Variants in KAT6B observed in about 807,000 individuals in gnomAD.
KAT6B encodes histone acetyltransferase KAT6B.
Under a neutral mutation model 187.5 loss-of-function variants are expected in KAT6B, and 10 were observed. The ratio of observed to expected loss-of-function variants is 0.05; its 90% CI spans 0.03 to 0.09. The LOEUF (loss-of-function observed/expected upper bound fraction) is 0.09, where lower values mean the gene tolerates loss of function less well. KAT6B is among the 10% of genes least tolerant of loss of function. The pLI is 1.00. For missense variants in KAT6B, 1,952 were observed against 2,558.9 expected, an observed-to-expected ratio of 0.76 and a Z score of 5.12; for synonymous variants, 861 against 926.8, an observed-to-expected ratio of 0.93 and a Z score of 1.29.
chr10:74,860,997 C>T (rs1368421063), intron 3 of KAT6B, among the ~76,000 whole-genome samples: 5 of 152,150 alleles, frequency 3.3e-5, no homozygotes, highest in South Asian at 2.1e-4. Flanking sequence ...ATTAGCCGGG[C>T]GTGGTGGCAC....
intron 3 of KAT6B, among the ~76,000 whole-genome samples, chr10:74,875,223 CTTG>C (rs1844325839): frequency 6.6e-6 from 1 of 152,102 alleles, no homozygotes; most frequent in Admixed American, 6.5e-5. Flanking sequence ...AAAATAAGAT[CTTG>C]TTGTTTGTGG....
At chr10:74,836,576 A>G (rs1481768993) in intron 1 of KAT6B, among the ~76,000 whole-genome samples, 1 of 152,232 alleles carries the variant, frequency 6.6e-6, no homozygotes, top group Non-Finnish European at 1.5e-5. Flanking sequence ...GGCCTGAAGC[A>G]TTGATTTCAG....
chr10:74,832,284 C>T (rs992693111), intron 1 of KAT6B, among the ~76,000 whole-genome samples: 9 of 152,060 alleles, frequency 5.9e-5, no homozygotes, highest in Admixed American at 3.3e-4. Context: ...AACAAAGAAT[C>T]CTGTAATAAT....
intron 3 of KAT6B, among the ~76,000 whole-genome samples, chr10:74,856,207 T>C (rs912190411): frequency 6.6e-6 from 1 of 152,162 alleles, no homozygotes; most frequent in East Asian, 1.9e-4. Context: ...TGCCTCAGCC[T>C]CCCGAGCAGC....
intron 1 of KAT6B, among the ~76,000 whole-genome samples, chr10:74,834,447 T>C (rs929182876): frequency 7.9e-5 from 12 of 152,072 alleles, no homozygotes; most frequent in African/African-American, 2.7e-4. Flanking sequence ...CTGCCCGCCT[T>C]GGCCTCCCAA....
At chr10:74,830,731 CATATAT>C (rs1198969374) in intron 1 of KAT6B, among the ~76,000 whole-genome samples, 229 of 17,200 alleles carry the variant, frequency 0.013, 3 homozygotes, top group Middle Eastern at 0.05. Flanking sequence ...CACAGCTCTT[CATATAT>C]ATATATATAT....
intron 1 of KAT6B, among the ~76,000 whole-genome samples, chr10:74,829,874 T>C (rs943589256): frequency 1.3e-5 from 2 of 151,386 alleles, no homozygotes; most frequent in Admixed American, 1.3e-4. Flanking sequence ...AAAAATTAGC[T>C]GGGCATGGTG....
chr10:74,863,104 C>G (rs894174618), intron 3 of KAT6B, among the ~76,000 whole-genome samples: 3 of 152,132 alleles, frequency 2.0e-5, no homozygotes, highest in African/African-American at 7.2e-5. Context: ...CTTTGAAAAA[C>G]AGAAAGATTT....
chr10:74,986,566 A>G (rs1790292834), intron 12 of KAT6B, among the ~76,000 whole-genome samples: 1 of 152,248 alleles, frequency 6.6e-6, no homozygotes, highest in African/African-American at 2.4e-5. Context: ...AAAATAAGTA[A>G]CAGCATTCAT....
intron 3 of KAT6B, among the ~76,000 whole-genome samples, chr10:74,894,745 A>T (rs1328793251): frequency 6.6e-6 from 1 of 151,996 alleles, no homozygotes; most frequent in East Asian, 1.9e-4. Flanking sequence ...ATGTGACAAG[A>T]TTTCCTTCTT....
At chr10:74,841,514 G>C (rs1033491234) in intron 2 of KAT6B, among the ~76,000 whole-genome samples, 1 of 151,892 alleles carries the variant, frequency 6.6e-6, no homozygotes, top group Non-Finnish European at 1.5e-5. Context: ...ACAGTGAGCT[G>C]AGATTGCGCT....
At position 75,029,066 on chromosome 10, in the gene KAT6B, G is replaced by A. The variant is rs749051216; in HGVS notation, c.4242G>A (p.Glu1414=). The A allele has an allele frequency of 1.5e-5, 24 of 1,613,984 alleles. No homozygotes were observed. The highest frequency in any genetic ancestry group is 1.9e-5 in the Non-Finnish European group (23 of 1,180,028). The change falls in exon 18 of 18, where the codon GAG becomes GAA. Residue 1414 remains glutamate (E), a synonymous_variant. Transcript: ENST00000287239. This position sits in a 1 kb window ranked among gnomAD's most constrained non-coding sequence, Gnocchi z 6.2. ...RLDDHEEEEE[E]DEEPSHNEDH... is the part of the protein sequence containing the mutation. ...ATGATCACGAAGAGGAGGAGGAAGA[G>A]GATGAAGAGCCATCCCACAACGAGG...
At chr10:74,878,009 C>G (rs1252570911) in intron 3 of KAT6B, among the ~76,000 whole-genome samples, 2 of 152,054 alleles carry the variant, frequency 1.3e-5, no homozygotes, top group Non-Finnish European at 2.9e-5. Flanking sequence ...AATGCAGTCT[C>G]CCTGAATGAT....
intron 3 of KAT6B, among the ~76,000 whole-genome samples, chr10:74,908,016 A>G (rs115398274): frequency 0.019 from 2,919 of 152,240 alleles, 85 homozygotes; most frequent in African/African-American, 0.06. Flanking sequence ...GCCTTCATGA[A>G]TGGACTAATC....
At chr10:74,899,783 A>G (rs1336987623) in intron 3 of KAT6B, among the ~76,000 whole-genome samples, 5 of 152,162 alleles carry the variant, frequency 3.3e-5, no homozygotes, top group African/African-American at 1.2e-4. Context: ...ATTGATACCA[A>G]CATCATTATT....
At chr10:74,972,447 T>A in intron 6 of KAT6B, 60 bp from the exon 7 acceptor site, 1 of 1,267,234 alleles carries the variant, frequency 7.9e-7, no homozygotes, top group South Asian at 1.4e-5. Context: ...CAACTTATAT[T>A]TAATATCTTC....
chr10:74,834,839 C>G (rs1327040514), intron 1 of KAT6B, among the ~76,000 whole-genome samples: 1 of 152,218 alleles, frequency 6.6e-6, no homozygotes, highest in East Asian at 1.9e-4. Context: ...TTCTTTATCC[C>G]TTTTGAGCAT....
intron 13 of KAT6B, among the ~76,000 whole-genome samples, chr10:75,015,207 C>G (rs1422679022): frequency 6.6e-6 from 1 of 152,140 alleles, no homozygotes; most frequent in Non-Finnish European, 1.5e-5. Context: ...ATGTCATGCC[C>G]ATAGGACTTA....
At chr10:74,924,095 T>A (rs1848326302) in intron 3 of KAT6B, among the ~76,000 whole-genome samples, 1 of 152,168 alleles carries the variant, frequency 6.6e-6, no homozygotes, top group South Asian at 2.1e-4. Flanking sequence ...ACTGGAAGGA[T>A]GGAGTTATCT....
Sources: gnomAD v4.1 joint callset for allele counts (sites outside exome capture counted in the v4.1 genomes callset) on GRCh38, gnomAD v4.1.1 for gene constraint, Gnocchi (gnomAD v3.1) non-coding constraint, MANE v1.5 for transcripts, NCBI Gene and HGNC (gene_info 2026-07-23, HGNC 2026-07-21) for gene names.